Variants in UBASH3B observed in about 807,000 individuals in gnomAD.
UBASH3B encodes the protein ubiquitin-associated and SH3 domain-containing protein B.
A neutral mutation model predicts 83.4 loss-of-function variants in UBASH3B; 37 were observed. The ratio of observed to expected loss-of-function variants is 0.44; its 90% CI spans 0.34 to 0.58. The LOEUF is 0.58. Among genes scored for constraint, UBASH3B ranks in the 20% least tolerant of loss-of-function variants. UBASH3B has a pLI of 0.01. For synonymous variants in UBASH3B, 304 were observed against 318.3 expected (o/e 0.96, Z 0.48); for missense variants, 657 against 827.2 (o/e 0.79, Z 2.52).
intron 1 of UBASH3B, among the ~76,000 whole-genome samples, chr11:122,701,086 G>A (rs1363640483): frequency 3.9e-5 from 6 of 152,220 alleles, no homozygotes; most frequent in African/African-American, 1.4e-4. Context: ...ACCCTGTCAA[G>A]CCCACGGGCT....
intron 1 of UBASH3B, among the ~76,000 whole-genome samples, chr11:122,662,850 T>C (rs1863463906): frequency 6.6e-6 from 1 of 152,208 alleles, no homozygotes; most frequent in Non-Finnish European, 1.5e-5. Context: ...TCATCCTGCA[T>C]GTATCAATAG....
chr11:122,732,712 T>G (rs1419828379), intron 1 of UBASH3B, among the ~76,000 whole-genome samples: 1 of 152,180 alleles, frequency 6.6e-6, no homozygotes, highest in East Asian at 1.9e-4. Context: ...CTCAATTAGA[T>G]AAACTAACAA....
intron 3 of UBASH3B, among the ~76,000 whole-genome samples, chr11:122,777,486 A>C (rs1285447761): frequency 6.6e-6 from 1 of 152,204 alleles, no homozygotes; most frequent in African/African-American, 2.4e-5. Flanking sequence ...GGCTGCTGGA[A>C]TAGAATCACT....
chr11:122,789,685 A>T (rs1861017817), intron 6 of UBASH3B, among the ~76,000 whole-genome samples: 2 of 152,064 alleles, frequency 1.3e-5, no homozygotes, highest in South Asian at 4.1e-4. Flanking sequence ...AGCTGGGCGG[A>T]TTACTACCCT....
At chr11:122,706,357 TAC>T (rs1864120101) in intron 1 of UBASH3B, among the ~76,000 whole-genome samples, 1 of 152,298 alleles carries the variant, frequency 6.6e-6, no homozygotes, top group Admixed American at 6.5e-5. Flanking sequence ...TCCATTGCTA[TAC>T]ACTTTTGCTG....
chr11:122,798,852 G>A, intron 9 of UBASH3B, 90 bp from the exon 10 acceptor site: 1 of 958,718 alleles, frequency 1.0e-6, no homozygotes, highest in Non-Finnish European at 1.6e-6. Flanking sequence ...GGGTTTACAG[G>A]AGCTTACTGC....
chr11:122,683,764 TGTGTGTGTGTGTGA>T (rs1373578373), intron 1 of UBASH3B, among the ~76,000 whole-genome samples: 2 of 83,026 alleles, frequency 2.4e-5, no homozygotes, highest in East Asian at 3.7e-4. Context: ...TGTGTGTGTG[TGTGTGTGTGTGTGA>T]GCCAGGTTTC....
At chr11:122,749,666 A>G (rs1269097490) in intron 1 of UBASH3B, among the ~76,000 whole-genome samples, 1 of 152,238 alleles carries the variant, frequency 6.6e-6, no homozygotes, top group Non-Finnish European at 1.5e-5. Context: ...TGACCACTGC[A>G]CCACACTGTC....
At chr11:122,690,641 G>A (rs879372097) in intron 1 of UBASH3B, among the ~76,000 whole-genome samples, 1 of 152,048 alleles carries the variant, frequency 6.6e-6, no homozygotes. Flanking sequence ...GCTGTCATGA[G>A]CCCAGCAGCT....
intron 9 of UBASH3B, among the ~76,000 whole-genome samples, chr11:122,797,920 G>A (rs1418266094): frequency 6.6e-6 from 1 of 152,170 alleles, no homozygotes; most frequent in Non-Finnish European, 1.5e-5. Flanking sequence ...TAGCAAGATG[G>A]ATAAAGGCAA....
chr11:122,690,449 A>C lies in UBASH3B; in HGVS notation c.161+34239A>C, dbSNP rs1025482813. On this transcript the variant is annotated intron_variant, in intron 1 of 13. Transcript: ENST00000284273. ...ATCTGACTTTTGGTTTTAGTAAGTGAAATGCTAAGTAGGATTACATTCTCA... is the reference window on the plus strand; with the variant it reads ...ATCTGACTTTTGGTTTTAGTAAGTGCAATGCTAAGTAGGATTACATTCTCA... Among the ~76,000 whole-genome samples the C allele has an allele frequency of 2.0e-5, 3 of 151,546 alleles. No homozygotes were observed. The East Asian group carries it at 5.8e-4, about 29-fold the overall frequency.
intron 1 of UBASH3B, among the ~76,000 whole-genome samples, chr11:122,699,564 TC>T: frequency 6.7e-6 from 1 of 149,906 alleles, no homozygotes; most frequent in Non-Finnish European, 1.5e-5. Context: ...TTTCTTTCTT[TC>T]TTTCTTTCTT....
intron 1 of UBASH3B, among the ~76,000 whole-genome samples, chr11:122,775,172 G>C (rs2135137717): frequency 6.6e-6 from 1 of 152,330 alleles, no homozygotes; most frequent in Middle Eastern, 3.4e-3. Flanking sequence ...GATGTTTGCT[G>C]AATAAATGTA....
intron 1 of UBASH3B, among the ~76,000 whole-genome samples, chr11:122,773,281 C>T (rs546955031): frequency 2.0e-3 from 298 of 152,326 alleles, no homozygotes; most frequent in Non-Finnish European, 2.5e-3. Flanking sequence ...TGTTCTGCCG[C>T]GCCCATGTTC....
chr11:122,750,336 A>G (rs1012107247), intron 1 of UBASH3B, among the ~76,000 whole-genome samples: 1 of 152,190 alleles, frequency 6.6e-6, no homozygotes, highest in African/African-American at 2.4e-5. Context: ...TAAAGAACAC[A>G]TCGGCTGGGT....
intron 1 of UBASH3B, among the ~76,000 whole-genome samples, chr11:122,733,237 A>G (rs1469423950): frequency 6.6e-6 from 1 of 152,208 alleles, no homozygotes; most frequent in African/African-American, 2.4e-5. Context: ...CACTCACTCC[A>G]TCTCAAACCC....
At chr11:122,796,818 A>G in intron 8 of UBASH3B, 93 bp from the exon 9 acceptor site, 1 of 1,569,114 alleles carries the variant, frequency 6.4e-7, no homozygotes, top group Non-Finnish European at 8.7e-7. Context: ...TTTGGCCAAG[A>G]AGGAATGGGG....
chr11:122,670,848 C>T (rs568650349), intron 1 of UBASH3B, among the ~76,000 whole-genome samples: 3 of 152,086 alleles, frequency 2.0e-5, no homozygotes, highest in South Asian at 4.2e-4. Flanking sequence ...CTGCAATCTC[C>T]GCCTCCTAGG....
intron 1 of UBASH3B, among the ~76,000 whole-genome samples, chr11:122,667,970 A>G (rs1863542717): frequency 6.6e-6 from 1 of 152,102 alleles, no homozygotes; most frequent in Non-Finnish European, 1.5e-5. Context: ...GAGTCCAGGC[A>G]CCTAGAGACA....
Sources: allele counts gnomAD v4.1 joint callset (sites outside exome capture counted in the v4.1 genomes callset), GRCh38; gene constraint gnomAD v4.1.1; transcripts MANE v1.5; gene names NCBI Gene and HGNC (gene_info 2026-07-23, HGNC 2026-07-21).